PSRC1: variants seen among roughly 807,000 people sequenced by gnomAD.
PSRC1 encodes proline and serine rich coiled-coil 1, also known as proline/serine-rich coiled-coil protein 1.
A neutral mutation model predicts 31.9 loss-of-function variants in PSRC1; 30 were observed. The ratio of observed to expected loss-of-function variants is 0.94; its 90% confidence interval spans 0.70 to 1.28. PSRC1 has a LOEUF of 1.28. Among genes scored for constraint, PSRC1 ranks in the 50% most tolerant of loss-of-function variants. PSRC1 has a pLI of 0.00. For missense variants in PSRC1, 481 were observed against 472.8 expected (o/e 1.02, Z -0.16); for synonymous variants, 191 against 192.1 (o/e 0.99, Z 0.05).
In PSRC1 at chr1:109,282,243, C is replaced by A. The variant is rs554436511; in HGVS notation, c.78-183G>T. On this transcript the variant is annotated intron_variant, in intron 3 of 6. Coordinates refer to ENST00000409138, the Ensembl canonical transcript of PSRC1. ...ACCTGGTTCTATGGGGCCTAATAGG[C>A]CTTTAGCATTTACGGACATCAGAAA... 857 of 631,498 alleles carry A rather than the reference C, an allele frequency of 1.4e-3. 1 individual carries two copies. The highest frequency in any genetic ancestry group is 2.1e-3 in the Non-Finnish European group (779 of 367,384). The allele number at this position is 631,498 out of a possible 1,614,324, so 39.1% of individuals were successfully genotyped here.
intron 4 of PSRC1, 59 bp downstream of exon 4, chr1:109,281,560 C>G: frequency 7.1e-7 from 1 of 1,413,310 alleles, no homozygotes; most frequent in East Asian, 2.3e-5. Flanking sequence ...AAACCACTCC[C>G]TGCATCATGG....
Position 109,281,959 on chromosome 1 carries a change from T to TG in PSRC1, c.178dup (p.Gln60ProfsTer21). 1 of 1,547,528 alleles carries TG rather than the reference T, an allele frequency of 6.5e-7. No homozygotes were observed. The highest frequency in any genetic ancestry group is 8.7e-7 in the Non-Finnish European group (1 of 1,147,918). ...GGGGCCTAGGCTGAGCCTCACACCC[T>TG]GGGGGGCAGGTGCCACTGCATTTGG... On this transcript the variant is annotated frameshift_variant, in exon 4 of 7. Transcript: ENST00000409138. LOFTEE classifies it high-confidence loss of function.
At chr1:109,280,705 T>G in intron 5 of PSRC1, 72 bp downstream of exon 6, 1 of 1,286,656 alleles carries the variant, frequency 7.8e-7, no homozygotes, top group Non-Finnish European at 1.1e-6. Flanking sequence ...GCAAAAGTGG[T>G]CACTGTTGAC....
At chr1:109,283,075 C>G in exon 1 of PSRC1, 1 of 333,424 alleles carries the variant, frequency 3.0e-6, no homozygotes, top group Non-Finnish European at 5.6e-6. Context: ...CCAGCCCACC[C>G]TGTGTCCACT....
Position 109,282,551 on chromosome 1 carries a change from G to T in PSRC1, c.44C>A (p.Thr15Asn). The T allele has an allele frequency of 1.9e-6, 3 of 1,614,110 alleles. No homozygotes were observed. In the South Asian group the frequency reaches 3.3e-5, roughly 18 times the overall value. The change falls in exon 3 of 7, where the codon ACC (threonine) becomes AAC (asparagine). Residue 15 changes from threonine (T) to asparagine (N), a missense_variant. Coordinates refer to ENST00000409138, the Ensembl canonical transcript of PSRC1. Reference sequence around the variant, plus strand: ...TGGTGACAGCCCCCCAAAGTCCAAGGTCTCATCCACAATAAACCTTACATC... The same window carrying T: ...TGGTGACAGCCCCCCAAAGTCCAAGTTCTCATCCACAATAAACCTTACATC...
chr1:109,281,177 T>C, exon 5 of PSRC1: 2 of 1,613,214 alleles, frequency 1.2e-6, no homozygotes, highest in Non-Finnish European at 1.7e-6. Flanking sequence ...TCCCCCGGAC[T>C]GGGGGAGTCG....
At chr1:109,280,893 G>C in exon 5 of PSRC1, 1 of 1,614,150 alleles carries the variant, frequency 6.2e-7, no homozygotes, top group Non-Finnish European at 8.5e-7. Context: ...ACTCCGGCTG[G>C]TGAGTGGCAT....
chr1:109,280,241 G>A, intron 6 of PSRC1, 85 bp from the exon 8 acceptor site: 13 of 1,540,754 alleles, frequency 8.4e-6, no homozygotes, highest in Non-Finnish European at 1.1e-5. Flanking sequence ...AGCTCCTCAG[G>A]GTGGGAAGAA....
chr1:109,280,915 G>A (rs76057315), exon 5 of PSRC1: 16,496 of 1,614,066 alleles, frequency 0.01, 117 homozygotes, highest in Non-Finnish European at 0.012. Flanking sequence ...CGGCTGGCAG[G>A]CCTGGGGATG....
rs372778262 is a variant in PSRC1, at chr1:109,280,763, T to G, written c.994+14A>C. 47 of 1,547,158 alleles carry G rather than the reference T, an allele frequency of 3.0e-5. No homozygotes were observed. Among genetic ancestry groups the G allele is most frequent in the Non-Finnish European group, 3.8e-5 (43 of 1,140,886 alleles). The stretch of plus-strand genomic sequence containing the variant: ...GCTGGGCAAGGGCGGGCATTCTTCC[T>G]CCTGACCTCTTACCCTTGTGTCCAC... On this transcript the variant is annotated intron_variant, in intron 5 of 6. Coordinates refer to ENST00000409138, the Ensembl canonical transcript of PSRC1.
At chr1:109,281,506 A>G in intron 4 of PSRC1, 113 bp downstream of exon 4, 3 of 1,012,744 alleles carry the variant, frequency 3.0e-6, no homozygotes, top group Admixed American at 2.3e-5. Flanking sequence ...TTTAATTCCA[A>G]CAATTCTAGA....
At chr1:109,282,055 T>A in exon 4 of PSRC1, 1 of 1,489,074 alleles carries the variant, frequency 6.7e-7, no homozygotes, top group Non-Finnish European at 8.9e-7. Context: ...GTCTTCCTCC[T>A]CACGGCTGAG....
chr1:109,280,393 G>T lies in PSRC1; in HGVS notation c.1088+3C>A. 6.2e-7 allele frequency: 1 copy of T among 1,603,410 alleles called. No homozygotes were observed. Among genetic ancestry groups the T allele is most frequent in the South Asian group, 1.1e-5 (1 of 89,752 alleles). ...AGGATGGGCAAGGGAGGACCAGACT[G>T]ACCTGGTAGGTCCTGGGACTGCCAC... is the stretch of plus-strand genomic sequence containing the variant. On this transcript the variant is annotated splice_donor_region_variant and intron_variant, in intron 6 of 6. Transcript: ENST00000409138.
In PSRC1 at chr1:109,281,172, C is replaced by T. The variant is rs766944653; in HGVS notation, c.599G>A (p.Arg200Gln). The T allele has an allele frequency of 1.9e-5, 30 of 1,613,438 alleles. No individual in the cohort carries two copies. The highest frequency in any genetic ancestry group is 9.3e-5 in the African/African-American group (7 of 74,906). Residue 200 changes from arginine to glutamine, a missense_variant, in exon 5 of 7, where the codon CGG becomes CAG. By Grantham distance (43) the Arg-to-Gln change is conservative. Transcript: ENST00000409138. ...TCTCCCACTGGGCCCGGCTCTCCCC[C>T]GGACTGGGGGAGTCGATCGGGTAAG... is the stretch of plus-strand genomic sequence containing the variant.
rs761164992 is a variant in PSRC1 at position 109,281,736 on chromosome 1, CAA to C, written c.400_401del (p.Leu134AspfsTer17). 2 of 1,614,024 alleles carry C rather than the reference CAA, an allele frequency of 1.2e-6. No individual in the cohort carries two copies. Among genetic ancestry groups the C allele is most frequent in the Non-Finnish European group, 1.7e-6 (2 of 1,180,018 alleles). On this transcript the variant is annotated frameshift_variant, in exon 4 of 7. Transcript: ENST00000409138. LOFTEE classifies it high-confidence loss of function. Reference sequence around the variant, plus strand: ...TGCTTGGGGAGGGGGTGCTCCGCGTCAAAGAGTTCACAGTGGGCAGCAGGTCT... The same window carrying C: ...TGCTTGGGGAGGGGGTGCTCCGCGTCAGAGTTCACAGTGGGCAGCAGGTCT...
At chr1:109,282,565 A>C in exon 3 of PSRC1, 1 of 1,614,134 alleles carries the variant, frequency 6.2e-7, no homozygotes, top group Non-Finnish European at 8.5e-7. Flanking sequence ...CATCCACAAT[A>C]AACCTTACAT....
exon 7 of PSRC1, chr1:109,280,078 C>T (rs1446824523): frequency 6.2e-7 from 1 of 1,608,438 alleles, no homozygotes; most frequent in South Asian, 1.1e-5. Flanking sequence ...GAGTCAGGGT[C>T]TGCTGGGTAG....
rs145904441 is a variant in PSRC1 at position 109,282,548 on chromosome 1, A to C, written c.47T>G (p.Leu16Trp). ...AGATGGTGACAGCCCCCCAAAGTCC[A>C]AGGTCTCATCCACAATAAACCTTAC... Residue 16 changes from leucine to tryptophan, a missense_variant, in exon 3 of 7, where the codon TTG becomes TGG. Leu to Trp is a moderately conservative substitution (Grantham distance 61). Transcript: ENST00000409138. The C allele has an allele frequency of 4.3e-5, 70 of 1,614,062 alleles. No homozygotes were observed. The highest frequency in any genetic ancestry group is 5.8e-5 in the Non-Finnish European group (69 of 1,180,018).
exon 4 of PSRC1, chr1:109,281,890 C>T (rs1448057792): frequency 1.6e-5 from 25 of 1,611,392 alleles, no homozygotes; most frequent in African/African-American, 2.7e-5. Flanking sequence ...AGCGGCCAGC[C>T]GGTTGGCCTC....
Sources: gnomAD v4.1 joint callset for allele counts on GRCh38, gnomAD v4.1.1 for gene constraint, MANE v1.5 for transcripts, NCBI Gene and HGNC (gene_info 2026-07-23, HGNC 2026-07-21) for gene names.